The following POU2F1 variants were observed in gnomAD, a reference collection of about 807,000 sequenced individuals.
The protein encoded by POU2F1 is POU class 2 homeobox 1.
POU2F1 carries 16 observed loss-of-function variants against 84.9 expected under a neutral mutation model. The ratio of observed to expected loss-of-function variants is 0.19; its 90% CI spans 0.13 to 0.29. The LOEUF (loss-of-function observed/expected upper bound fraction) is 0.29. Ranked by LOEUF, POU2F1 falls within the 10% of genes least tolerant of loss-of-function variation. The pLI, the probability that POU2F1 is intolerant of heterozygous loss-of-function variation, is 1.00. For missense variants in POU2F1, 738 were observed against 942.6 expected (o/e 0.78, Z 2.84); for synonymous variants, 368 against 368.3 (o/e 1.00, Z 0.01).
intron 1 of POU2F1, among the ~76,000 whole-genome samples, chr1:167,280,223 A>G (rs1286359471): frequency 6.6e-6 from 1 of 151,670 alleles, no homozygotes; most frequent in Non-Finnish European, 1.5e-5. Context: ...TAAATGTGTG[A>G]TATCAGAAAT....
At chr1:167,411,778 A>G (rs1466247332) in intron 13 of POU2F1, among the ~76,000 whole-genome samples, 181 bp from the exon 14 acceptor site, 1 of 152,182 alleles carries the variant, frequency 6.6e-6, no homozygotes, top group African/African-American at 2.4e-5. Context: ...CCTAGCTGTG[A>G]TCCTAAAATG....
chr1:167,418,285 T>A lies in POU2F1; in HGVS notation c.*2475T>A, dbSNP rs1026084468. 2.0e-5 allele frequency: 3 copies of A among 152,244 alleles called. No homozygotes were observed. The highest frequency in any genetic ancestry group is 7.2e-5 in the African/African-American group (3 of 41,458). The allele number at this position is 152,244 out of a possible 1,614,324, so 9.4% of individuals were successfully genotyped here. A position where few individuals can be genotyped will look rare whatever the true frequency, so the allele number is the denominator to read the frequency against. The stretch of plus-strand genomic sequence containing the variant: ...CCTCTGGGCAGACATTAACTTGATG[T>A]TTAACTAGTTTATTAGGTTGGTGTG... On this transcript the variant is annotated 3_prime_UTR_variant, in exon 16 of 16. Coordinates refer to ENST00000367866, the MANE Select transcript of POU2F1 (RefSeq NM_002697.4).
chr1:167,289,758 G>A (rs146355750), intron 1 of POU2F1, among the ~76,000 whole-genome samples: 107 of 152,236 alleles, frequency 7.0e-4, no homozygotes, highest in Admixed American at 1.2e-3. Flanking sequence ...TTTGGCCAGT[G>A]GAACTCAAAC....
chr1:167,307,481 A>C (rs560668365), intron 1 of POU2F1, among the ~76,000 whole-genome samples: 2,343 of 152,182 alleles, frequency 0.015, 28 homozygotes, highest in Non-Finnish European at 0.023. Flanking sequence ...AAAAAAAAAA[A>C]AAAACTGTAT....
In POU2F1 at chr1:167,416,141, G is replaced by A. The variant is rs1454708528; in HGVS notation, c.*331G>A. The A allele has an allele frequency of 9.5e-5, 41 of 431,076 alleles. No homozygotes were observed. The highest frequency in any genetic ancestry group is 1.7e-4 in the Non-Finnish European group (39 of 233,176). The allele number at this position is 431,076 out of a possible 1,614,324, so 26.7% of individuals were successfully genotyped here. ...AAATCAAAAACAAACAAAAATAAGT[G>A]AAAGGACTACTTATCATTTCCAGCA... is the stretch of plus-strand genomic sequence containing the variant. On this transcript the variant is annotated 3_prime_UTR_variant, in exon 16 of 16. Coordinates refer to ENST00000367866, the MANE Select transcript of POU2F1 (RefSeq NM_002697.4).
rs375733898 is a variant in POU2F1, at chr1:167,397,409, A to G, written c.1130-585A>G. On this transcript the variant is annotated intron_variant, in intron 10 of 15. Coordinates refer to ENST00000367866, the MANE Select transcript of POU2F1 (RefSeq NM_002697.4). ...TGGAGACATAGAGCTGAGTTTAAGG[A>G]TAGGAATAGTAAACCTCTTCTGTCT... Among the ~76,000 whole-genome samples, 3 of 152,238 alleles carry G rather than the reference A, an allele frequency of 2.0e-5. No individual in the cohort carries two copies. The East Asian group carries it at 5.8e-4, about 29-fold the overall frequency.
At chr1:167,358,041 A>T (rs1266968239) in intron 2 of POU2F1, among the ~76,000 whole-genome samples, 1 of 150,756 alleles carries the variant, frequency 6.6e-6, no homozygotes, top group African/African-American at 2.4e-5. Context: ...TGACCTCGTG[A>T]TCTGCCTGTC....
intron 9 of POU2F1, among the ~76,000 whole-genome samples, chr1:167,392,354 CAAAA>C (rs71572456): frequency 3.4e-5 from 3 of 88,520 alleles, no homozygotes; most frequent in African/African-American, 4.7e-5. Context: ...GACTCTGTCT[CAAAA>C]AAAAAAAAAA....
At chr1:167,233,896 T>C (rs1303648498) in intron 1 of POU2F1, among the ~76,000 whole-genome samples, 1 of 152,238 alleles carries the variant, frequency 6.6e-6, no homozygotes, top group Non-Finnish European at 1.5e-5. Flanking sequence ...CAATAACATT[T>C]ATCAAGTCTT....
chr1:167,337,847 A>AC (rs1657577322), intron 2 of POU2F1: 1 of 281,702 alleles, frequency 3.5e-6, no homozygotes, highest in Non-Finnish European at 6.9e-6. Context: ...ATGAAAGCAC[A>AC]CCAAGATTTA....
At chr1:167,257,501 A>G (rs1255254600) in intron 1 of POU2F1, among the ~76,000 whole-genome samples, 5 of 152,230 alleles carry the variant, frequency 3.3e-5, no homozygotes, top group African/African-American at 7.2e-5. Context: ...GGAACCGTAT[A>G]GGGCTGAACA....
In POU2F1 at chr1:167,419,542, A is replaced by C. The variant is rs1650517453; in HGVS notation, c.*3732A>C. 6.6e-6 allele frequency: 1 copy of C among 152,220 alleles called. No homozygotes were observed. The allele number at this position is 152,220 out of a possible 1,614,324, so 9.4% of individuals were successfully genotyped here. Reference sequence around the variant, plus strand: ...TAAACTTTATTTATACCCTGTATACATCTGAATAACAGAGCAGAAAGACCT... The same window carrying C: ...TAAACTTTATTTATACCCTGTATACCTCTGAATAACAGAGCAGAAAGACCT... On this transcript the variant is annotated 3_prime_UTR_variant, in exon 16 of 16. Transcript: ENST00000367866.
intron 2 of POU2F1, chr1:167,337,849 C>A: frequency 3.6e-6 from 1 of 275,758 alleles, no homozygotes; most frequent in Non-Finnish European, 7.1e-6. Context: ...GAAAGCACAC[C>A]AAGATTTAAG....
intron 2 of POU2F1, among the ~76,000 whole-genome samples, chr1:167,352,196 A>G (rs1658628866): frequency 6.6e-6 from 1 of 152,238 alleles, no homozygotes; most frequent in African/African-American, 2.4e-5. Context: ...TGTATTCACT[A>G]TTAACATTTT....
rs188969455 is a variant in POU2F1, at chr1:167,236,396, C to T, written c.61+15438C>T. 5.3e-3 allele frequency among the ~76,000 whole-genome samples: 807 copies of T among 152,152 alleles called. 8 individuals carry two copies. Among genetic ancestry groups the T allele is most frequent in the African/African-American group, 0.018 (742 of 41,514 alleles). ...GATTACAGACATGAGCCACCGCGCC[C>T]GGCCGACATCTTCTTATTAAATTTT... On this transcript the variant is annotated intron_variant, in intron 1 of 15. Transcript: ENST00000367866.
At chr1:167,396,686 A>AACACACAC (rs34119749) in intron 10 of POU2F1, 49 of 325,346 alleles carry the variant, frequency 1.5e-4, no homozygotes, top group African/African-American at 1.1e-3. Flanking sequence ...CAGGATTAGG[A>AACACACAC]ACACACACAC....
chr1:167,369,508 A>G (rs1052209352), intron 3 of POU2F1, among the ~76,000 whole-genome samples: 1 of 152,204 alleles, frequency 6.6e-6, no homozygotes, highest in African/African-American at 2.4e-5. Flanking sequence ...TAGTTGCCAA[A>G]TGATGGTCTT....
chr1:167,271,372 C>G (rs1349908499), intron 1 of POU2F1, among the ~76,000 whole-genome samples: 4 of 152,124 alleles, frequency 2.6e-5, no homozygotes, highest in Non-Finnish European at 5.9e-5. Context: ...TAAAACTTGC[C>G]TTTTCAACAA....
chr1:167,401,487 G>A lies in POU2F1; in HGVS notation c.1486G>A (p.Ala496Thr), dbSNP rs754625291. The A allele has an allele frequency of 2.5e-6, 4 of 1,613,430 alleles. No homozygotes were observed. Among genetic ancestry groups the A allele is most frequent in the Non-Finnish European group, 3.4e-6 (4 of 1,179,756 alleles). ...TTPSLVTSSAATTLTVSPVLP... is the reference protein window; with the variant it reads ...TTPSLVTSSATTTLTVSPVLP... ...ACCAAGCCTTGTGACTAGCAGTGCA[G>A]CAACTACCCTCACAGTCAGCCCTGT... Residue 496 changes from alanine (A) to threonine (T), a missense_variant, in exon 13 of 16, where the codon GCA becomes ACA. Transcript: ENST00000367866.
Sources: allele counts gnomAD v4.1 joint callset (sites outside exome capture counted in the v4.1 genomes callset), GRCh38; gene constraint gnomAD v4.1.1; transcripts MANE v1.5; gene names NCBI Gene and HGNC (gene_info 2026-07-23, HGNC 2026-07-21).